ATF6: variants seen among roughly 807,000 people sequenced by gnomAD.
ATF6 encodes the protein activating transcription factor 6.
Under a neutral mutation model 83.6 loss-of-function variants are expected in ATF6, and 53 were observed. That is an observed-to-expected ratio of 0.63 (90% CI 0.51 to 0.80). The LOEUF (loss-of-function observed/expected upper bound fraction) is 0.80, where lower values mean the gene tolerates loss of function less well. ATF6 is among the 30% of genes least tolerant of loss of function. The pLI is 0.00. For missense variants in ATF6, 744 were observed against 797.9 expected, an observed-to-expected ratio of 0.93 and a Z score of 0.81; for synonymous variants, 288 against 285.8, an observed-to-expected ratio of 1.01 and a Z score of -0.08.
At chr1:161,825,604 C>T (rs976905638) in intron 9 of ATF6, among the ~76,000 whole-genome samples, 1 of 152,134 alleles carries the variant, frequency 6.6e-6, no homozygotes, top group Non-Finnish European at 1.5e-5. Flanking sequence ...GTGGGGCAAG[C>T]TAAATGGGAG....
chr1:161,925,394 A>C (rs1484420356), intron 15 of ATF6, among the ~76,000 whole-genome samples: 1 of 151,928 alleles, frequency 6.6e-6, no homozygotes, highest in Non-Finnish European at 1.5e-5. Flanking sequence ...TTTTAATTTT[A>C]TTTGCTGATT....
At chr1:161,882,330 A>G (rs903897808) in intron 14 of ATF6, among the ~76,000 whole-genome samples, 12 of 152,132 alleles carry the variant, frequency 7.9e-5, no homozygotes, top group African/African-American at 2.9e-4. Flanking sequence ...AGATGAGACA[A>G]ACACATAATA....
intron 15 of ATF6, among the ~76,000 whole-genome samples, chr1:161,927,368 G>C (rs921170082): frequency 1.3e-5 from 2 of 152,066 alleles, no homozygotes; most frequent in Non-Finnish European, 2.9e-5. Context: ...AGGGTCTCAC[G>C]GTGTTGCCCA....
At chr1:161,789,252 CTTTTTTTTTTTTT>C (rs71755584) in intron 4 of ATF6, among the ~76,000 whole-genome samples, 1 of 101,380 alleles carries the variant, frequency 9.9e-6, no homozygotes, top group Non-Finnish European at 1.8e-5. Flanking sequence ...ATTCCTTCTC[CTTTTTTTTTTTTT>C]TTTTTTTTTT....
At chr1:161,824,642 G>A (rs924477573) in intron 9 of ATF6, among the ~76,000 whole-genome samples, 1 of 152,172 alleles carries the variant, frequency 6.6e-6, no homozygotes, top group Non-Finnish European at 1.5e-5. Flanking sequence ...ATAAATACTT[G>A]TAGTATGAAT....
chr1:161,934,404 T>C (rs1470093580), intron 15 of ATF6, among the ~76,000 whole-genome samples: 3 of 152,046 alleles, frequency 2.0e-5, no homozygotes, highest in Admixed American at 1.3e-4. Flanking sequence ...AAGGAGTGAG[T>C]GCTTCAAAGT....
chr1:161,825,645 T>G (rs1057223264), intron 9 of ATF6, among the ~76,000 whole-genome samples: 1 of 151,968 alleles, frequency 6.6e-6, no homozygotes, highest in African/African-American at 2.4e-5. Context: ...AGGGGAAGAG[T>G]GCAGAGCTTT....
chr1:161,779,990 G>A (rs988561607), intron 2 of ATF6, among the ~76,000 whole-genome samples: 7 of 151,930 alleles, frequency 4.6e-5, no homozygotes, highest in Non-Finnish European at 8.8e-5. Flanking sequence ...CACCCACCTC[G>A]GCCTCCCAAA....
chr1:161,855,439 TTTAAGTATG>T, intron 12 of ATF6, among the ~76,000 whole-genome samples: 1 of 152,266 alleles, frequency 6.6e-6, no homozygotes, highest in South Asian at 2.1e-4. Context: ...AGTCAAGAAT[TTTAAGTATG>T]TTAAGTTTGT....
At chr1:161,921,340 C>A (rs1275255007) in intron 15 of ATF6, among the ~76,000 whole-genome samples, 1 of 152,026 alleles carries the variant, frequency 6.6e-6, no homozygotes, top group African/African-American at 2.4e-5. Flanking sequence ...AAGAATAATA[C>A]AATGAAGACT....
At chr1:161,894,521 CTTTTTTTTTTTTTTTT>C (rs71093131) in intron 14 of ATF6, among the ~76,000 whole-genome samples, 504 of 44,862 alleles carry the variant, frequency 0.011, 1 homozygote, top group Middle Eastern at 0.038. Context: ...GTTTTGTAGT[CTTTTTTTTTTTTTTTT>C]TTTTTTTTTT....
intron 14 of ATF6, among the ~76,000 whole-genome samples, chr1:161,875,674 C>G (rs1038257491): frequency 9.2e-5 from 14 of 151,742 alleles, no homozygotes; most frequent in African/African-American, 3.4e-4. Flanking sequence ...CTGTCAGATA[C>G]CCAAGGCTAA....
chr1:161,886,969 C>T (rs1223698308), intron 14 of ATF6, among the ~76,000 whole-genome samples: 2 of 152,226 alleles, frequency 1.3e-5, no homozygotes, highest in South Asian at 2.1e-4. Context: ...AGTACCTCTA[C>T]GTTGTTTGTT....
intron 14 of ATF6, among the ~76,000 whole-genome samples, chr1:161,869,863 C>T (rs886138852): frequency 6.6e-6 from 1 of 151,760 alleles, no homozygotes; most frequent in African/African-American, 2.4e-5. Flanking sequence ...CTTTCACATA[C>T]ATAATCTTAG....
intron 7 of ATF6, 57 bp downstream of exon 7, chr1:161,802,329 A>G: frequency 6.7e-7 from 1 of 1,497,008 alleles, no homozygotes; most frequent in South Asian, 1.2e-5. Context: ...CAACAAAAAA[A>G]CACCTTTTGC....
At position 161,805,310 on chromosome 1, in the gene ATF6, G is replaced by A. The variant is rs114819306; in HGVS notation, c.909+3038G>A. Among the ~76,000 whole-genome samples, 850 of 152,112 alleles carry A rather than the reference G, an allele frequency of 5.6e-3. 5 individuals carry two copies. The highest frequency in any genetic ancestry group is 0.019 in the African/African-American group (809 of 41,490). Reference sequence around the variant, plus strand: ...AGAGTACAAAAGCCAAACAGACACAGTCTTTTTGAAGTTTAGAATTGACAG... The same window carrying A: ...AGAGTACAAAAGCCAAACAGACACAATCTTTTTGAAGTTTAGAATTGACAG... On this transcript the variant is annotated intron_variant, in intron 7 of 15. Coordinates refer to ENST00000367942, the MANE Select transcript of ATF6 (RefSeq NM_007348.4).
rs1685751887 is a variant in ATF6, at chr1:161,821,148, T to G, written c.1174T>G (p.Tyr392Asp). The change falls in exon 9 of 16, where the codon TAT (tyrosine) becomes GAT (aspartate). Residue 392 changes from tyrosine (Y) to aspartate (D), a missense_variant. Tyr to Asp is a radical substitution (Grantham distance 160, BLOSUM62 -3). Transcript: ENST00000367942. ...AGTATTGGCATTTATAATACTGAAC[T>G]ATGGACCTATGAGGTAAGTGAATAG... ...MIVLAFIILN[Y>D]GPMSMLEQDS... 2 of 1,606,880 alleles carry G rather than the reference T, an allele frequency of 1.2e-6. No homozygotes were observed. The highest frequency in any genetic ancestry group is 1.7e-4 in the Middle Eastern group (1 of 6,060).
chr1:161,896,377 G>T (rs566257586), intron 14 of ATF6, among the ~76,000 whole-genome samples: 1 of 152,166 alleles, frequency 6.6e-6, no homozygotes, highest in Non-Finnish European at 1.5e-5. Context: ...AATTACAGGC[G>T]TGAGCCACCA....
At chr1:161,949,650 G>T (rs1571258422) in intron 15 of ATF6, among the ~76,000 whole-genome samples, 1 of 152,330 alleles carries the variant, frequency 6.6e-6, no homozygotes, top group East Asian at 1.9e-4. Flanking sequence ...AGGTGAAGGG[G>T]AGCCTGTGTG....
Sources: allele counts gnomAD v4.1 joint callset (sites outside exome capture counted in the v4.1 genomes callset), GRCh38; gene constraint gnomAD v4.1.1; transcripts MANE v1.5; gene names NCBI Gene and HGNC (gene_info 2026-07-23, HGNC 2026-07-21).